NHSL1: variants seen among roughly 807,000 people sequenced by gnomAD.
NHSL1 encodes the protein NHS like 1.
In NHSL1, 48 loss-of-function variants were observed where a neutral mutation model predicts 95.0. The ratio of observed to expected loss-of-function variants is 0.51; its 90% CI spans 0.40 to 0.64. NHSL1 has a LOEUF of 0.64. Among genes scored for constraint, NHSL1 ranks in the 30% least tolerant of loss-of-function variants. The pLI, the probability that NHSL1 is intolerant of heterozygous loss-of-function variation, is 0.00. For synonymous variants in NHSL1, 783 were observed against 833.9 expected (o/e 0.94, Z 1.05); for missense variants, 1,971 against 2,077.7 (o/e 0.95, Z 1.00).
chr6:138,627,082 G>A (rs1023355929), intron 1 of NHSL1, among the ~76,000 whole-genome samples: 1 of 152,072 alleles, frequency 6.6e-6, no homozygotes, highest in Non-Finnish European at 1.5e-5. Context: ...GAAATAATAG[G>A]ATTAATGAGA....
intron 1 of NHSL1, among the ~76,000 whole-genome samples, chr6:138,554,060 C>A (rs4621651): frequency 0.13 from 19,451 of 152,180 alleles, 2,565 homozygotes; most frequent in African/African-American, 0.34. Flanking sequence ...TCCCCAAATT[C>A]CCTTTCTTAG....
intron 1 of NHSL1, among the ~76,000 whole-genome samples, chr6:138,618,931 C>A (rs1050324608): frequency 2.0e-5 from 3 of 152,202 alleles, no homozygotes; most frequent in African/African-American, 7.2e-5. Flanking sequence ...TTTGCCTCAG[C>A]CCCTGGGGCC....
upstream of NHSL1, among the ~76,000 whole-genome samples, chr6:138,692,955 G>A (rs1785704699): frequency 6.6e-6 from 1 of 150,614 alleles, no homozygotes; most frequent in Admixed American, 6.6e-5. The surrounding 1 kb of genome is among the most constrained non-coding windows in gnomAD (Gnocchi z 4.0). Context: ...GCGGGCGAGC[G>A]GGCACCCGGG....
chr6:138,676,547 T>C (rs935815909), intron 1 of NHSL1, among the ~76,000 whole-genome samples: 1 of 152,246 alleles, frequency 6.6e-6, no homozygotes, highest in Non-Finnish European at 1.5e-5. Context: ...ACAATGCCCA[T>C]TTTACAGAGG....
At position 138,665,222 on chromosome 6, in the gene NHSL1, C is replaced by T. The variant is rs997122880; in HGVS notation, c.96+27254G>A. On this transcript the variant is annotated intron_variant, in intron 1 of 3. Coordinates refer to the NHSL1 transcript ENST00000491526. ...TGTGCTGTGTCATAATACAGATCAA[C>T]TTAGCTTTCCAATAACTAATTCTTT... is the stretch of plus-strand genomic sequence containing the variant. Among the ~76,000 whole-genome samples, 6 of 151,780 alleles carry T rather than the reference C, an allele frequency of 4.0e-5. No homozygotes were observed. The East Asian group carries it at 7.7e-4, about 20-fold the overall frequency.
chr6:138,467,221 C>T (rs992908717), intron 3 of NHSL1, among the ~76,000 whole-genome samples: 4 of 151,702 alleles, frequency 2.6e-5, no homozygotes, highest in South Asian at 2.1e-4. Context: ...GGCGCGATCT[C>T]GGCTCACTGC....
At chr6:138,643,817 G>A (rs914237319) in intron 1 of NHSL1, among the ~76,000 whole-genome samples, 26 of 151,958 alleles carry the variant, frequency 1.7e-4, no homozygotes, top group Admixed American at 1.7e-3. Context: ...TAGCCAACAT[G>A]GTGAAACCCA....
chr6:138,458,969 A>G (rs944841968), intron 3 of NHSL1, among the ~76,000 whole-genome samples: 2 of 152,036 alleles, frequency 1.3e-5, no homozygotes, highest in African/African-American at 4.8e-5. Context: ...ATGTCTTTTC[A>G]GTTATTCAAA....
At position 138,430,063 on chromosome 6, in the gene NHSL1, ATC is replaced by A. The variant is rs575499934; in HGVS notation, c.3953-222_3953-221del. On this transcript the variant is annotated intron_variant, in intron 6 of 7. Coordinates refer to ENST00000343505, the MANE Select transcript of NHSL1 (RefSeq NM_001144060.2). The surrounding 1 kb of genome is among the most constrained non-coding windows in gnomAD (Gnocchi z 4.7). ...TGTTAAAGTATGGAACGCCCATGGC[ATC>A]TCTCTTAAATTTTGTTGCAACGTTT... Among the ~76,000 whole-genome samples, 12 of 152,150 alleles carry A rather than the reference ATC, an allele frequency of 7.9e-5. No individual in the cohort carries two copies. Among genetic ancestry groups the A allele is most frequent in the Non-Finnish European group, 1.5e-4 (10 of 68,012 alleles).
intron 1 of NHSL1, chr6:138,650,677 T>C: frequency 1.8e-6 from 1 of 558,164 alleles, no homozygotes; most frequent in South Asian, 1.4e-5. Flanking sequence ...ATCCAGCACA[T>C]TGAGATGACA....
intron 1 of NHSL1, among the ~76,000 whole-genome samples, chr6:138,601,579 C>G (rs1422466348): frequency 2.0e-5 from 3 of 151,976 alleles, no homozygotes; most frequent in Non-Finnish European, 4.4e-5. Context: ...TCTCGGAGGC[C>G]GAGGCGGGCG....
At position 138,497,489 on chromosome 6, in the gene NHSL1, T is replaced by C. The variant is rs558438777; in HGVS notation, c.59-1118A>G. Among the ~76,000 whole-genome samples the C allele has an allele frequency of 2.6e-4, 39 of 152,308 alleles. No homozygotes were observed. In the South Asian group the frequency reaches 7.7e-3, roughly 30 times the overall value. ...GTATCCATGTCCCCAACATAACATG[T>C]ACCTGGAAACTAGACCATAAAATGA... On this transcript the variant is annotated intron_variant, in intron 1 of 7. Transcript: ENST00000343505.
At chr6:138,528,301 G>C (rs6908424) in intron 1 of NHSL1, among the ~76,000 whole-genome samples, 2,347 of 152,024 alleles carry the variant, frequency 0.015, 67 homozygotes, top group African/African-American at 0.054. Context: ...AGAGCCAGAG[G>C]TATTCATTCA....
rs59106541 is a variant in NHSL1, at chr6:138,556,631, T to C, written c.202+15079A>G. 7.7e-3 allele frequency among the ~76,000 whole-genome samples: 1,165 copies of C among 151,562 alleles called. 26 individuals are homozygous for C. The highest frequency in any genetic ancestry group is 0.025 in the African/African-American group (1,049 of 41,270). ...ACAAACTAGTAAAAAGTCATGTGAA[T>C]TCTCTGCACTGGGATATTAGTGGTT... On this transcript the variant is annotated intron_variant, in intron 1 of 6. Transcript: ENST00000427025.
Position 138,431,267 on chromosome 6 carries a change from A to G in NHSL1, c.3078T>C (p.Leu1026=), listed in dbSNP as rs781526593. ...PSSEPPPAPP[L]DPKFMKDTRP... ...TGGTGTCTTTCATGAATTTGGGGTC[A>G]AGAGGTGGGGCAGGTGGGGGTTCCG... is the stretch of plus-strand genomic sequence containing the variant. Residue 1026 remains leucine, a synonymous_variant, in exon 6 of 8, where the codon CTT becomes CTC. Coordinates refer to ENST00000343505, the MANE Select transcript of NHSL1 (RefSeq NM_001144060.2). The surrounding 1 kb of genome is among the most constrained non-coding windows in gnomAD (Gnocchi z 4.0). The G allele has an allele frequency of 4.8e-5, 73 of 1,508,080 alleles. No individual in the cohort carries two copies. The South Asian group carries it at 5.0e-4, about 10-fold the overall frequency. The allele number at this position is 1,508,080 out of a possible 1,614,324, so 93.4% of individuals were successfully genotyped here. A position where few individuals can be genotyped will look rare whatever the true frequency, so the allele number is the denominator to read the frequency against.
chr6:138,571,400 G>C (rs1437790358), intron 1 of NHSL1: 2 of 319,636 alleles, frequency 6.3e-6, no homozygotes, highest in Non-Finnish European at 1.2e-5. Flanking sequence ...AGCTAGGGTG[G>C]TGGGTGGTTT....
At chr6:138,499,150 C>A in intron 1 of NHSL1, 83 bp downstream of exon 1, 1 of 884,240 alleles carries the variant, frequency 1.1e-6, no homozygotes, top group East Asian at 3.0e-5. Context: ...CACACACACA[C>A]ACACACACAG....
intron 1 of NHSL1, among the ~76,000 whole-genome samples, chr6:138,672,593 C>T (rs1028484787): frequency 1.3e-5 from 2 of 152,134 alleles, no homozygotes; most frequent in African/African-American, 4.8e-5. Context: ...AATATCTGAG[C>T]AAAAGGAACA....
chr6:138,653,849 C>T (rs1785123163), intron 1 of NHSL1, among the ~76,000 whole-genome samples: 1 of 152,176 alleles, frequency 6.6e-6, no homozygotes, highest in Non-Finnish European at 1.5e-5. Context: ...ATGTCTTACC[C>T]TTACTGTATG....
Sources: allele counts gnomAD v4.1 joint callset (sites outside exome capture counted in the v4.1 genomes callset), GRCh38; gene constraint gnomAD v4.1.1; non-coding constraint Gnocchi (gnomAD v3.1); transcripts MANE v1.5; gene names NCBI Gene and HGNC (gene_info 2026-07-23, HGNC 2026-07-21).